The following DISP3 variants were observed in gnomAD, a reference collection of about 807,000 sequenced individuals.
DISP3 encodes dispatched RND transporter family member 3, also known as protein dispatched homolog 3.
Under a neutral mutation model 135.3 loss-of-function variants are expected in DISP3, and 101 were observed. The ratio of observed to expected loss-of-function variants is 0.75; its 90% confidence interval spans 0.64 to 0.88. The LOEUF (loss-of-function observed/expected upper bound fraction) is 0.88, where lower values mean the gene tolerates loss of function less well. Among genes scored for constraint, DISP3 ranks in the 40% least tolerant of loss-of-function variants. DISP3 has a pLI of 0.00. For synonymous variants in DISP3, 856 were observed against 817.0 expected, an observed-to-expected ratio of 1.05 and a Z score of -0.81; for missense variants, 1,713 against 1,878.6, an observed-to-expected ratio of 0.91 and a Z score of 1.63.
In DISP3 at chr1:11,531,098, C is replaced by T. The variant is rs535356799; in HGVS notation, c.3229+65C>T. 134 of 1,599,162 alleles carry T rather than the reference C, an allele frequency of 8.4e-5. No homozygotes were observed. Among genetic ancestry groups the T allele is most frequent in the Middle Eastern group, 3.9e-4 (2 of 5,192 alleles). On this transcript the variant is annotated intron_variant, in intron 16 of 20. Coordinates refer to ENST00000294484, the MANE Select transcript of DISP3 (RefSeq NM_020780.2). This position sits in a 1 kb window ranked among gnomAD's most constrained non-coding sequence, Gnocchi z 5.2. ...TGGACTGACTGGGGAGGCACAGAGGCCGTGGTCCAAGGTAGACAGCCCGAA... is the reference window on the plus strand; with the variant it reads ...TGGACTGACTGGGGAGGCACAGAGGTCGTGGTCCAAGGTAGACAGCCCGAA...
intron 3 of DISP3, among the ~76,000 whole-genome samples, chr1:11,503,440 T>C (rs115287075): frequency 4.6e-5 from 7 of 152,278 alleles, no homozygotes; most frequent in Non-Finnish European, 8.8e-5. Flanking sequence ...GGGAAACTAA[T>C]GGTGTAATTC....
chr1:11,535,259 C>A, intron 19 of DISP3, 135 bp downstream of exon 19: 1 of 1,044,046 alleles, frequency 9.6e-7, no homozygotes, highest in Non-Finnish European at 1.4e-6. Context: ...AGGACTGTCT[C>A]TCCTGCATGT....
rs766922929 is a variant in DISP3 at position 11,501,668 on chromosome 1, CT to C, written c.677del (p.Leu226ArgfsTer38). On this transcript the variant is annotated frameshift_variant, in exon 2 of 21. Transcript: ENST00000294484. LOFTEE classifies it high-confidence loss of function. The surrounding 1 kb of genome is among the most constrained non-coding windows in gnomAD (Gnocchi z 4.9). ...GAGTGAAGACCCGCGAAACCAGCGG[CT>C]GAGCAAGAATGGGCGGTACCAGCCC... ...NQSEDPRNQR[L>X]SKNGRYQPSI... is the part of the protein sequence containing the mutation. The C allele has an allele frequency of 6.2e-7, 1 of 1,608,096 alleles. No individual in the cohort carries two copies. Among genetic ancestry groups the C allele is most frequent in the Non-Finnish European group, 8.5e-7 (1 of 1,177,976 alleles).
At chr1:11,504,545 G>T (rs1052437442) in intron 3 of DISP3, among the ~76,000 whole-genome samples, 1 of 152,196 alleles carries the variant, frequency 6.6e-6, no homozygotes, top group African/African-American at 2.4e-5. Flanking sequence ...TTGAGAGGTG[G>T]GGCCTAGTGG....
At chr1:11,521,139 G>A (rs1352744842) in intron 10 of DISP3, among the ~76,000 whole-genome samples, 2 of 152,084 alleles carry the variant, frequency 1.3e-5, no homozygotes, top group African/African-American at 4.8e-5. Context: ...TCTGAGCTTT[G>A]GCGGAGGAAG....
At chr1:11,490,519 T>C (rs1057080996) in intron 1 of DISP3, among the ~76,000 whole-genome samples, 1 of 152,238 alleles carries the variant, frequency 6.6e-6, no homozygotes, top group Non-Finnish European at 1.5e-5. Context: ...TCTGCCCGCG[T>C]TGGCCTCCCA....
Position 11,531,056 on chromosome 1 carries a change from G to T in DISP3, c.3229+23G>T, listed in dbSNP as rs1445322533. ...CAGGTGCGTGGGGTGTGGGGAGCTG[G>T]TTCCTCCGAGGGAGGATGGACTGAC... On this transcript the variant is annotated intron_variant, in intron 16 of 20. Coordinates refer to ENST00000294484, the MANE Select transcript of DISP3 (RefSeq NM_020780.2). This position sits in a 1 kb window ranked among gnomAD's most constrained non-coding sequence, Gnocchi z 5.2. 6.2e-7 allele frequency: 1 copy of T among 1,611,752 alleles called. No individual in the cohort carries two copies. Among genetic ancestry groups the T allele is most frequent in the African/African-American group, 1.3e-5 (1 of 74,906 alleles).
chr1:11,488,637 C>CTGTGTG (rs5772457), intron 1 of DISP3, among the ~76,000 whole-genome samples: 15,414 of 146,310 alleles, frequency 0.11, 930 homozygotes, highest in South Asian at 0.15. Flanking sequence ...GGCAGATGCT[C>CTGTGTG]TGTGTGTGTG....
intron 4 of DISP3, 146 bp downstream of exon 4, chr1:11,514,672 C>A: frequency 2.6e-6 from 3 of 1,170,164 alleles, no homozygotes; most frequent in Non-Finnish European, 3.6e-6. Flanking sequence ...AATCATCTTC[C>A]AACCCCAAAC....
chr1:11,517,353 A>C (rs1642040743), intron 6 of DISP3, 110 bp from the exon 7 acceptor site: 2 of 1,420,740 alleles, frequency 1.4e-6, no homozygotes, highest in Non-Finnish European at 2.0e-6. Flanking sequence ...CTACTGCCTC[A>C]GTCTGGGCCA....
At chr1:11,494,893 G>A (rs1301622473) in intron 1 of DISP3, among the ~76,000 whole-genome samples, 4 of 152,114 alleles carry the variant, frequency 2.6e-5, no homozygotes, top group Non-Finnish European at 1.5e-5. Flanking sequence ...GCCAGAGGAG[G>A]GAAGTTATAA....
intron 1 of DISP3, among the ~76,000 whole-genome samples, chr1:11,479,708 C>T (rs1290423135): frequency 6.6e-6 from 1 of 152,252 alleles, no homozygotes; most frequent in Non-Finnish European, 1.5e-5. Context: ...CCCTGCTTGT[C>T]CCCTCTGAGG....
In DISP3 at chr1:11,520,701, A is replaced by G; in HGVS notation, c.2215A>G (p.Ile739Val). 2 of 1,613,130 alleles carry G rather than the reference A, an allele frequency of 1.2e-6. No homozygotes were observed. The highest frequency in any genetic ancestry group is 1.7e-6 in the Non-Finnish European group (2 of 1,179,882). The change falls in exon 10 of 21, where the codon ATC becomes GTC. Residue 739 changes from isoleucine (I) to valine (V), a missense_variant. Transcript: ENST00000294484. The surrounding 1 kb of genome is among the most constrained non-coding windows in gnomAD (Gnocchi z 4.8). The part of the protein sequence containing the change: ...RWVIVGLFVS[I>V]LILSLVFASR... ...TTTCCTCACAGGGCTGTTCGTCTCCATCCTCATCTTGTCCCTGGTGTTCGC... is the reference window on the plus strand; with the variant it reads ...TTTCCTCACAGGGCTGTTCGTCTCCGTCCTCATCTTGTCCCTGGTGTTCGC...
chr1:11,536,286 C>T lies in DISP3; in HGVS notation c.3817-38C>T, dbSNP rs1486488522. The T allele has an allele frequency of 1.9e-6, 3 of 1,573,338 alleles. No homozygotes were observed. Among genetic ancestry groups the T allele is most frequent in the Non-Finnish European group, 2.6e-6 (3 of 1,166,346 alleles). ...CCAGGTGCTGGCCAGAGGGGTCCCG[C>T]AGGCAGGCTGGGCTCCCAGCTCTCC... On this transcript the variant is annotated intron_variant, in intron 20 of 20. Coordinates refer to ENST00000294484, the MANE Select transcript of DISP3 (RefSeq NM_020780.2). The surrounding 1 kb of genome is among the most constrained non-coding windows in gnomAD (Gnocchi z 4.3).
In DISP3 at chr1:11,499,962, C is replaced by T. The variant is rs1204216904; in HGVS notation, c.-3-1028C>T. Among the ~76,000 whole-genome samples, 1 of 152,272 alleles carries T rather than the reference C, an allele frequency of 6.6e-6. No individual in the cohort carries two copies. Among genetic ancestry groups the T allele is most frequent in the African/African-American group, 2.4e-5 (1 of 41,482 alleles). ...AACTGGATAATGAGTCTCTCTCTGT[C>T]CAGAGGGCAGGCAGGACAAAGGGGA... On this transcript the variant is annotated intron_variant, in intron 1 of 20. Transcript: ENST00000294484. The surrounding 1 kb of genome is among the most constrained non-coding windows in gnomAD (Gnocchi z 5.2).
rs887722025 is a variant in DISP3, at chr1:11,519,338, C to T, written c.1890-17C>T. On this transcript the variant is annotated splice_polypyrimidine_tract_variant and intron_variant, in intron 7 of 20. Coordinates refer to ENST00000294484, the MANE Select transcript of DISP3 (RefSeq NM_020780.2). This position sits in a 1 kb window ranked among gnomAD's most constrained non-coding sequence, Gnocchi z 4.3. ...CAGGACCCTCTGGTTCACCCCTGTC[C>T]CCTACTCTCTCCACAGCTGCCACCA... 9 of 1,612,808 alleles carry T rather than the reference C, an allele frequency of 5.6e-6. No individual in the cohort carries two copies. Among genetic ancestry groups the T allele is most frequent in the Non-Finnish European group, 6.8e-6 (8 of 1,179,482 alleles).
rs766865380 is a variant in DISP3, at chr1:11,501,879, T to A, written c.887T>A (p.Val296Asp). ...AACATTTTCACCAGTGAGCGCCTGG[T>A]CACGATCCATGAGATCGAGCGCAAG... ...ERNIFTSERL[V>D]TIHEIERKIM... Residue 296 changes from valine to aspartate, a missense_variant, in exon 2 of 21, where the codon GTC becomes GAC. Val to Asp is a radical substitution (Grantham distance 152). Transcript: ENST00000294484. The surrounding 1 kb of genome is among the most constrained non-coding windows in gnomAD (Gnocchi z 4.9). 8.1e-6 allele frequency: 13 copies of A among 1,613,208 alleles called. No individual in the cohort carries two copies. The highest frequency in any genetic ancestry group is 1.1e-5 in the Non-Finnish European group (13 of 1,179,696).
intron 3 of DISP3, among the ~76,000 whole-genome samples, chr1:11,511,027 A>T (rs1641841576): frequency 1.3e-5 from 2 of 152,200 alleles, no homozygotes; most frequent in South Asian, 2.1e-4. Flanking sequence ...ATTCACTACC[A>T]TGAGAATAGC....
Position 11,523,965 on chromosome 1 carries a change from A to G in DISP3, c.2386A>G (p.Ser796Gly). 6.2e-7 allele frequency: 1 copy of G among 1,612,568 alleles called. No individual in the cohort carries two copies. Among genetic ancestry groups the G allele is most frequent in the Non-Finnish European group, 8.5e-7 (1 of 1,179,402 alleles). Residue 796 changes from serine (S) to glycine (G), a missense_variant, in exon 11 of 21, where the codon AGC becomes GGC. Around this residue, in one of 2 missense-constraint regions of DISP3, gnomAD observed 1,142 missense variants for 1,384.6 expected, o/e 0.82. Transcript: ENST00000294484. ...CSGLFQEKPH[S>G]LQNNIRTSLE... The stretch of plus-strand genomic sequence containing the variant: ...AGGTCTGTTCCAGGAGAAGCCCCAC[A>G]GCCTGCAGAACAACATCCGGACGTC...
Sources: allele counts gnomAD v4.1 joint callset (sites outside exome capture counted in the v4.1 genomes callset), GRCh38; gene constraint gnomAD v4.1.1; regional missense constraint gnomAD v4.1.1; non-coding constraint Gnocchi (gnomAD v3.1); transcripts MANE v1.5; gene names NCBI Gene and HGNC (gene_info 2026-07-23, HGNC 2026-07-21).